ADCY5: variants seen among roughly 807,000 people sequenced by gnomAD.
The protein encoded by ADCY5 is adenylate cyclase type 5.
A neutral mutation model predicts 119.7 loss-of-function variants in ADCY5; 30 were observed. The ratio of observed to expected loss-of-function variants is 0.25; its 90% CI spans 0.19 to 0.34. The LOEUF is 0.34. ADCY5 is among the 10% of genes least tolerant of loss of function. ADCY5 has a pLI of 1.00. For missense variants in ADCY5, 1,324 were observed against 1,775.2 expected, an observed-to-expected ratio of 0.75 and a Z score of 4.57; for synonymous variants, 753 against 762.2, an observed-to-expected ratio of 0.99 and a Z score of 0.20.
chr3:123,424,970 C>T (rs1945374961), intron 1 of ADCY5, among the ~76,000 whole-genome samples: 1 of 152,236 alleles, frequency 6.6e-6, no homozygotes, highest in African/African-American at 2.4e-5. Flanking sequence ...CATTTCGAGA[C>T]TGACTCCTTC....
chr3:123,284,511 G>A lies in ADCY5; in HGVS notation c.*97C>T, dbSNP rs540565633. ...GAAAATCTCAGCAGCGCAGCCCTGC[G>A]GGCTGGAGCATGGCTTCCCCGCCAC... On this transcript the variant is annotated 3_prime_UTR_variant, in exon 21 of 21. Transcript: ENST00000462833. The A allele has an allele frequency of 5.2e-5, 81 of 1,549,852 alleles. No homozygotes were observed. In the East Asian group the frequency reaches 8.1e-4, roughly 16 times the overall value.
rs1418118614 is a variant in ADCY5 at position 123,286,022 on chromosome 3, C to G, written c.3657+663G>C. ...GGAAAAACAGGCCAGGCAAGCTGACCTCCCACAGCCTCACAGAGAACTGGG... is the reference window on the plus strand; with the variant it reads ...GGAAAAACAGGCCAGGCAAGCTGACGTCCCACAGCCTCACAGAGAACTGGG... On this transcript the variant is annotated intron_variant, in intron 20 of 20. Coordinates refer to ENST00000462833, the MANE Select transcript of ADCY5 (RefSeq NM_183357.3). The surrounding 1 kb of genome is among the most constrained non-coding windows in gnomAD (Gnocchi z 4.2). Among the ~76,000 whole-genome samples, 1 of 152,224 alleles carries G rather than the reference C, an allele frequency of 6.6e-6. No individual in the cohort carries two copies. Among genetic ancestry groups the G allele is most frequent in the African/African-American group, 2.4e-5 (1 of 41,446 alleles).
intron 1 of ADCY5, among the ~76,000 whole-genome samples, chr3:123,419,922 T>C (rs1182007181): frequency 6.6e-6 from 1 of 152,050 alleles, no homozygotes; most frequent in East Asian, 1.9e-4. Context: ...GCAGTTGTTG[T>C]AGACACCCCC....
intron 17 of ADCY5, among the ~76,000 whole-genome samples, chr3:123,291,701 T>C (rs1215329897): frequency 6.6e-6 from 1 of 152,134 alleles, no homozygotes; most frequent in East Asian, 1.9e-4. Flanking sequence ...AAGGATCCTG[T>C]CTGCCAAAGG....
In ADCY5 at chr3:123,345,769, G is replaced by GACAGACAGACACACACACACACACACAC. The variant is rs57198270; in HGVS notation, c.1406+2012_1406+2013insGTGTGTGTGTGTGTGTGTGTCTGTCTGT. Among the ~76,000 whole-genome samples, 339 of 113,794 alleles carry GACAGACAGACACACACACACACACACAC rather than the reference G, an allele frequency of 3.0e-3. 2 individuals carry two copies. The highest frequency in any genetic ancestry group is 0.012 in the African/African-American group (297 of 25,342). 74.7% of individuals were successfully genotyped at this position (113,794 alleles called of 152,430 possible). Reference sequence around the variant, plus strand: ...AGACAGACAGACAGACAGACAGACAGACACACACACACACACACACACACA... The same window carrying GACAGACAGACACACACACACACACACAC: ...AGACAGACAGACAGACAGACAGACAGACAGACAGACACACACACACACACACACACACACACACACACACACACACACA... On this transcript the variant is annotated intron_variant, in intron 3 of 20. Transcript: ENST00000462833.
intron 1 of ADCY5, among the ~76,000 whole-genome samples, chr3:123,409,563 A>G (rs1428143654): frequency 6.6e-6 from 1 of 152,194 alleles, no homozygotes; most frequent in African/African-American, 2.4e-5. Context: ...TCCTCAACTG[A>G]TTATCTAGCA....
intron 1 of ADCY5, among the ~76,000 whole-genome samples, chr3:123,369,795 A>G (rs1943570844): frequency 6.6e-6 from 1 of 152,212 alleles, no homozygotes; most frequent in African/African-American, 2.4e-5. Flanking sequence ...AAATGGGAGA[A>G]TGTGACCAAA....
chr3:123,350,433 T>C (rs2108491456), intron 2 of ADCY5, among the ~76,000 whole-genome samples: 1 of 152,304 alleles, frequency 6.6e-6, no homozygotes, highest in East Asian at 1.9e-4. Flanking sequence ...TTACTGGTGA[T>C]AGAAATAGGA....
At chr3:123,417,761 C>CA (rs1399628336) in intron 1 of ADCY5, among the ~76,000 whole-genome samples, 9 of 152,048 alleles carry the variant, frequency 5.9e-5, no homozygotes. Flanking sequence ...TCTGGGCCTC[C>CA]ATTTTTTCCT....
intron 1 of ADCY5, among the ~76,000 whole-genome samples, chr3:123,421,872 T>G (rs1471920236): frequency 6.6e-6 from 1 of 152,174 alleles, no homozygotes; most frequent in Non-Finnish European, 1.5e-5. Context: ...TGAAACTCAC[T>G]GTGTTCAAGC....
At chr3:123,398,677 T>C (rs1441096499) in intron 1 of ADCY5, among the ~76,000 whole-genome samples, 2 of 152,326 alleles carry the variant, frequency 1.3e-5, no homozygotes, top group Non-Finnish European at 2.9e-5. Flanking sequence ...GTCCTCACCA[T>C]TCAAGTCACG....
chr3:123,330,187 C>T (rs1351233594), intron 5 of ADCY5, among the ~76,000 whole-genome samples: 1 of 152,220 alleles, frequency 6.6e-6, no homozygotes, highest in African/African-American at 2.4e-5. Flanking sequence ...ACGGACCCGG[C>T]TGCCTTCCTG....
At chr3:123,435,603 CT>C (rs1053142245) in intron 1 of ADCY5, among the ~76,000 whole-genome samples, 1 of 151,780 alleles carries the variant, frequency 6.6e-6, no homozygotes, top group African/African-American at 2.4e-5. Flanking sequence ...CTAAGAAAAC[CT>C]TTTTTTTAAG....
Position 123,447,402 on chromosome 3 carries a change from C to A in ADCY5, c.1134+10G>T, listed in dbSNP as rs371437597. On this transcript the variant is annotated intron_variant, in intron 1 of 20. Coordinates refer to ENST00000462833, the MANE Select transcript of ADCY5 (RefSeq NM_183357.3). ...CGCAATCCAGTCCCGGTGGCCAGGT[C>A]GGCCCCTACCTGCTTCAGCAGGAAC... The A allele has an allele frequency of 3.6e-5, 55 of 1,543,068 alleles. No individual in the cohort carries two copies. The African/African-American group carries it at 6.0e-4, about 17-fold the overall frequency.
chr3:123,386,734 T>C (rs1400923825), intron 1 of ADCY5, among the ~76,000 whole-genome samples: 1 of 152,138 alleles, frequency 6.6e-6, no homozygotes, highest in Non-Finnish European at 1.5e-5. Context: ...CCAGTCTTTT[T>C]TACTTTGCAG....
At chr3:123,370,610 C>T (rs992345648) in intron 1 of ADCY5, among the ~76,000 whole-genome samples, 1 of 152,234 alleles carries the variant, frequency 6.6e-6, no homozygotes, top group African/African-American at 2.4e-5. Flanking sequence ...CCCCATGGAA[C>T]TGAATCATCC....
chr3:123,303,590 T>A (rs1301149390), intron 13 of ADCY5, among the ~76,000 whole-genome samples: 2 of 152,106 alleles, frequency 1.3e-5, no homozygotes, highest in East Asian at 3.9e-4. Flanking sequence ...GGCCCGCGGA[T>A]CACTTGAGCC....
chr3:123,390,633 A>T (rs1484165820), intron 1 of ADCY5, among the ~76,000 whole-genome samples: 1 of 152,246 alleles, frequency 6.6e-6, no homozygotes, highest in East Asian at 1.9e-4. Flanking sequence ...TGGAGTAAAG[A>T]CAGAGGGCTG....
At chr3:123,365,489 A>G (rs1175717053) in intron 1 of ADCY5, among the ~76,000 whole-genome samples, 1 of 152,152 alleles carries the variant, frequency 6.6e-6, no homozygotes, top group East Asian at 1.9e-4. Flanking sequence ...CTATGAAGGG[A>G]AAGCAGAGTG....
Sources: allele counts gnomAD v4.1 joint callset (sites outside exome capture counted in the v4.1 genomes callset), GRCh38; gene constraint gnomAD v4.1.1; non-coding constraint Gnocchi (gnomAD v3.1); transcripts MANE v1.5; gene names NCBI Gene and HGNC (gene_info 2026-07-23, HGNC 2026-07-21).